Variants in PRDM16 observed in about 807,000 individuals in gnomAD.
PRDM16 encodes PR/SET domain 16, also known as histone-lysine N-methyltransferase PRDM16.
In PRDM16, 23 loss-of-function variants were observed where a neutral mutation model predicts 110.6. That is an observed-to-expected ratio of 0.21 (90% CI 0.15 to 0.29). The LOEUF is 0.29. Among genes scored for constraint, PRDM16 ranks in the 10% least tolerant of loss-of-function variants. The pLI is 1.00. For missense variants in PRDM16, 1,615 were observed against 1,794.3 expected (o/e 0.90, Z 1.81); for synonymous variants, 799 against 781.8 (o/e 1.02, Z -0.37).
At chr1:3,095,790 C>T (rs1177719061) in intron 1 of PRDM16, among the ~76,000 whole-genome samples, 1 of 151,990 alleles carries the variant, frequency 6.6e-6, no homozygotes, top group Admixed American at 6.5e-5. Context: ...GTATGGGGGT[C>T]CATCTGCCCC....
At chr1:3,311,818 C>G (rs1641467625) in intron 3 of PRDM16, among the ~76,000 whole-genome samples, 1 of 152,200 alleles carries the variant, frequency 6.6e-6, no homozygotes, top group African/African-American at 2.4e-5. Flanking sequence ...CTGAGACAGC[C>G]CTGCCTCCCA....
At chr1:3,365,999 T>C (rs566077268) in intron 3 of PRDM16, among the ~76,000 whole-genome samples, 81 of 147,608 alleles carry the variant, frequency 5.5e-4, no homozygotes, top group African/African-American at 2.1e-3. Context: ...CATGCACACA[T>C]ACGCGCACGC....
Position 3,243,647 on chromosome 1 carries a change from A to AC in PRDM16, c.388-439dup, listed in dbSNP as rs1367309068. 6.6e-6 allele frequency among the ~76,000 whole-genome samples: 1 copy of AC among 152,214 alleles called. No homozygotes were observed. Among genetic ancestry groups the AC allele is most frequent in the Non-Finnish European group, 1.5e-5 (1 of 68,036 alleles). On this transcript the variant is annotated intron_variant, in intron 2 of 16. Transcript: ENST00000270722. The surrounding 1 kb of genome is among the most constrained non-coding windows in gnomAD (Gnocchi z 5.5). ...CCTAGGCCAAGTTACGTCTAAATAC[A>AC]CGTGGTGTGATTCGCCGGCGGAACT...
chr1:3,165,955 T>C (rs1178936612), intron 1 of PRDM16, among the ~76,000 whole-genome samples: 1 of 151,726 alleles, frequency 6.6e-6, no homozygotes, highest in Non-Finnish European at 1.5e-5. Flanking sequence ...CTTTTTTTTC[T>C]CCCAGTGACC....
At chr1:3,160,715 T>C (rs1000291204) in intron 1 of PRDM16, among the ~76,000 whole-genome samples, 7 of 152,198 alleles carry the variant, frequency 4.6e-5, no homozygotes. Context: ...GACCCTTGGC[T>C]CAAGACAGCT....
intron 2 of PRDM16, among the ~76,000 whole-genome samples, chr1:3,210,150 G>A (rs376532021): frequency 7.9e-5 from 12 of 152,208 alleles, no homozygotes; most frequent in South Asian, 2.1e-4. Flanking sequence ...GCTATGTGCC[G>A]ATGTGTTCCT....
chr1:3,253,226 C>CT (rs1639975584), intron 3 of PRDM16, among the ~76,000 whole-genome samples: 1 of 151,592 alleles, frequency 6.6e-6, no homozygotes, highest in South Asian at 2.1e-4. Flanking sequence ...TATTATTATA[C>CT]TTTAAGTTTT....
intron 1 of PRDM16, among the ~76,000 whole-genome samples, chr1:3,097,305 C>T (rs1442983048): frequency 6.6e-6 from 1 of 152,198 alleles, no homozygotes; most frequent in Non-Finnish European, 1.5e-5. Context: ...ACAGAAAGGA[C>T]GTGACGGTGT....
In PRDM16 at chr1:3,359,211, TC is replaced by T. The variant is rs1642668115; in HGVS notation, c.439-25939del. On this transcript the variant is annotated intron_variant, in intron 3 of 16. Transcript: ENST00000270722. This position sits in a 1 kb window ranked among gnomAD's most constrained non-coding sequence, Gnocchi z 4.3. Reference sequence around the variant, plus strand: ...GGTGCCACCGTGCCTAGTTAATATGTCCATTTTGTGTTGACTTGGGGTCTCA... The same window carrying T: ...GGTGCCACCGTGCCTAGTTAATATGTCATTTTGTGTTGACTTGGGGTCTCA... Among the ~76,000 whole-genome samples, 1 of 152,096 alleles carries T rather than the reference TC, an allele frequency of 6.6e-6. No individual in the cohort carries two copies. The highest frequency in any genetic ancestry group is 1.5e-5 in the Non-Finnish European group (1 of 68,022).
chr1:3,366,692 G>GA lies in PRDM16; in HGVS notation c.439-18454dup, dbSNP rs1266751936. On this transcript the variant is annotated intron_variant, in intron 3 of 16. Transcript: ENST00000270722. ...CCCTGGGCTTGCTGGAGCAGTTCCA[G>GA]AAAAAACTGAGGTCGGAGCAGAAAA... Among the ~76,000 whole-genome samples, 17 of 152,214 alleles carry GA rather than the reference G, an allele frequency of 1.1e-4. 1 individual carries two copies. The highest frequency in any genetic ancestry group is 4.1e-4 in the African/African-American group (17 of 41,474).
At chr1:3,257,871 C>T (rs1017745713) in intron 3 of PRDM16, among the ~76,000 whole-genome samples, 1 of 152,148 alleles carries the variant, frequency 6.6e-6, no homozygotes, top group African/African-American at 2.4e-5. Context: ...ATTTGGGTAC[C>T]TACAGTGGGA....
chr1:3,318,076 G>A (rs1358484891), intron 3 of PRDM16, among the ~76,000 whole-genome samples: 1 of 152,174 alleles, frequency 6.6e-6, no homozygotes, highest in Non-Finnish European at 1.5e-5. Context: ...CCTCGCAAAG[G>A]GTTCGGGGTA....
chr1:3,434,875 C>T lies in PRDM16; in HGVS notation c.*1064C>T, dbSNP rs1336604182. The T allele has an allele frequency of 8.6e-6, 2 of 231,986 alleles. No homozygotes were observed. Among genetic ancestry groups the T allele is most frequent in the African/African-American group, 4.4e-5 (2 of 45,270 alleles). The allele number at this position is 231,986 out of a possible 1,614,324, so 14.4% of individuals were successfully genotyped here. ...TGGCCACGTCCTGGGTCTCCCACCT[C>T]CCACCTGACCCCAGCGGCTCCGGTG... On this transcript the variant is annotated 3_prime_UTR_variant, in exon 17 of 17. Coordinates refer to ENST00000270722, the MANE Select transcript of PRDM16 (RefSeq NM_022114.4).
At chr1:3,125,219 C>T (rs1421759617) in intron 1 of PRDM16, among the ~76,000 whole-genome samples, 1 of 152,280 alleles carries the variant, frequency 6.6e-6, no homozygotes, top group Non-Finnish European at 1.5e-5. Context: ...CAGCGCGCTT[C>T]CCGCATCCGT....
intron 5 of PRDM16, among the ~76,000 whole-genome samples, chr1:3,401,258 C>T (rs1242930891): frequency 1.3e-5 from 2 of 152,180 alleles, no homozygotes; most frequent in Admixed American, 6.5e-5. Flanking sequence ...GTGGTGGTCT[C>T]TCTGACACAG....
At chr1:3,430,587 C>T (rs568616899) in intron 14 of PRDM16, among the ~76,000 whole-genome samples, 5 of 152,370 alleles carry the variant, frequency 3.3e-5, no homozygotes, top group South Asian at 2.1e-4. Context: ...AACACCGCCC[C>T]GGCCCTGGTG....
intron 1 of PRDM16, among the ~76,000 whole-genome samples, chr1:3,073,850 C>T (rs1641826708): frequency 6.6e-6 from 1 of 152,130 alleles, no homozygotes; most frequent in African/African-American, 2.4e-5. Flanking sequence ...CCGGGGTCCC[C>T]TCCTCCTGGC....
chr1:3,083,332 G>A (rs1172933081), intron 1 of PRDM16, among the ~76,000 whole-genome samples: 1 of 152,234 alleles, frequency 6.6e-6, no homozygotes, highest in East Asian at 1.9e-4. Context: ...TGGACTGGGC[G>A]GCGCGCTCAT....
chr1:3,410,037 TTGTG>T lies in PRDM16; in HGVS notation c.1187-1341_1187-1338del, dbSNP rs535734919. Among the ~76,000 whole-genome samples, 86 of 141,246 alleles carry T rather than the reference TTGTG, an allele frequency of 6.1e-4. 1 individual carries two copies. In the South Asian group the frequency reaches 0.013, roughly 22 times the overall value. 92.7% of individuals were successfully genotyped at this position (141,246 alleles called of 152,430 possible). A position where few individuals can be genotyped will look rare whatever the true frequency, so the allele number is the denominator to read the frequency against. On this transcript the variant is annotated intron_variant, in intron 8 of 16. Transcript: ENST00000270722. ...GTGTGCTGTGTGTGCATGTGTGTGATTGTGTGTGTACGAATGTGGTGTGTGGTTG... is the reference window on the plus strand; with the variant it reads ...GTGTGCTGTGTGTGCATGTGTGTGATTGTGTACGAATGTGGTGTGTGGTTG...
Sources: allele counts gnomAD v4.1 joint callset (sites outside exome capture counted in the v4.1 genomes callset), GRCh38; gene constraint gnomAD v4.1.1; non-coding constraint Gnocchi (gnomAD v3.1); transcripts MANE v1.5; gene names NCBI Gene and HGNC (gene_info 2026-07-23, HGNC 2026-07-21).